Variants in NFIB observed in about 807,000 individuals in gnomAD.
The protein encoded by NFIB is nuclear factor 1 B-type.
A neutral mutation model predicts 61.5 loss-of-function variants in NFIB; 11 were observed. The observed-to-expected ratio is 0.18, with a 90% confidence interval of 0.11 to 0.30. NFIB has a LOEUF of 0.30. Ranked by LOEUF, NFIB falls within the 10% of genes least tolerant of loss-of-function variation. The pLI is 1.00. For synonymous variants in NFIB, 260 were observed against 216.5 expected (o/e 1.20, Z -1.76); for missense variants, 471 against 608.9 (o/e 0.77, Z 2.38).
chr9:14,406,741 C>T, the NFIB span, among the ~76,000 whole-genome samples: 1 of 152,140 alleles, frequency 6.6e-6, no homozygotes, highest in East Asian at 1.9e-4. Flanking sequence ...AAAAAAGGTG[C>T]ACATGGACTG....
chr9:14,420,966 T>C, the NFIB span, among the ~76,000 whole-genome samples: 1 of 152,154 alleles, frequency 6.6e-6, no homozygotes, highest in Non-Finnish European at 1.5e-5. Context: ...TTTTTTTCGT[T>C]TTTAAACTTA....
the NFIB span, among the ~76,000 whole-genome samples, chr9:14,466,923 C>T: frequency 6.6e-6 from 1 of 152,112 alleles, no homozygotes; most frequent in East Asian, 1.9e-4. Context: ...CAAGCCAAGG[C>T]TGGGGTTAGG....
chr9:14,449,019 G>C, the NFIB span, among the ~76,000 whole-genome samples: 2 of 152,070 alleles, frequency 1.3e-5, no homozygotes, highest in African/African-American at 4.8e-5. Context: ...GAAGTTGCTG[G>C]GATGGATGAT....
At chr9:14,305,559 G>T (rs1220332566) in intron 2 of NFIB, among the ~76,000 whole-genome samples, 17 of 152,000 alleles carry the variant, frequency 1.1e-4, no homozygotes, top group Admixed American at 1.0e-3. Flanking sequence ...TAAATGCATG[G>T]AAATATTAAA....
rs922545934 is a variant in NFIB at position 14,083,065 on chromosome 9, T to C, written c.*5244A>G. On this transcript the variant is annotated 3_prime_UTR_variant, in exon 11 of 11. Coordinates refer to ENST00000380953, the MANE Select transcript of NFIB (RefSeq NM_001190737.2). ...TTGAATTGCAACACACAGATATTTC[T>C]AGAGTATTAACTAGTGAACCCTTTT... 123 of 207,010 alleles carry C rather than the reference T, an allele frequency of 5.9e-4. No homozygotes were observed. Among genetic ancestry groups the C allele is most frequent in the South Asian group, 5.8e-4 (3 of 5,216 alleles). The allele number at this position is 207,010 out of a possible 1,614,324, so 12.8% of individuals were successfully genotyped here.
chr9:14,415,646 A>G, the NFIB span, among the ~76,000 whole-genome samples: 1 of 152,258 alleles, frequency 6.6e-6, no homozygotes, highest in Non-Finnish European at 1.5e-5. Flanking sequence ...AATTAGAGAC[A>G]TGAAGCTTAG....
chr9:14,319,040 T>C (rs568115500), upstream of NFIB, among the ~76,000 whole-genome samples: 13 of 152,250 alleles, frequency 8.5e-5, no homozygotes, highest in African/African-American at 3.1e-4. Context: ...CCCACCCCCA[T>C]TGCTAGCCCT....
chr9:14,483,798 G>A, the NFIB span, among the ~76,000 whole-genome samples: 3 of 152,198 alleles, frequency 2.0e-5, no homozygotes, highest in Admixed American at 2.0e-4. Flanking sequence ...ATTCTTTGCT[G>A]AAGAATATTA....
the NFIB span, among the ~76,000 whole-genome samples, chr9:14,438,262 T>A: frequency 6.6e-6 from 1 of 152,124 alleles, no homozygotes; most frequent in Non-Finnish European, 1.5e-5. Flanking sequence ...GAAGCCCAAG[T>A]CAATTGCAGG....
chr9:14,319,601 A>G (rs561190340), intron 1 of NFIB, among the ~76,000 whole-genome samples: 82 of 152,364 alleles, frequency 5.4e-4, no homozygotes, highest in African/African-American at 1.9e-3. Context: ...TTATTTCTAC[A>G]GGTAAACTGG....
rs544259362 is a variant in NFIB, at chr9:14,386,616, AAAT to A, written c.108+11905_108+11907del. 5.5e-3 allele frequency among the ~76,000 whole-genome samples: 834 copies of A among 151,804 alleles called. 2 individuals are homozygous for A. Among genetic ancestry groups the A allele is most frequent in the Non-Finnish European group, 8.0e-3 (543 of 67,872 alleles). On this transcript the variant is annotated intron_variant, in intron 1 of 8. Coordinates refer to the NFIB transcript ENST00000380934. ...ACTCATGAGAGCCTCTTAGGGGACA[AAAT>A]CAATCAGTGTTATTATTTCTGCTTT...
Position 14,141,758 on chromosome 9 carries a change from GGTT to G in NFIB, c.925+4928_925+4930del, listed in dbSNP as rs570220547. 6.7e-4 allele frequency among the ~76,000 whole-genome samples: 101 copies of G among 151,738 alleles called. 1 individual carries two copies. In the South Asian group the frequency reaches 9.6e-3, roughly 14 times the overall value. On this transcript the variant is annotated intron_variant, in intron 6 of 10. Transcript: ENST00000380953. ...AATTTATATTTTATCTAAGATTACA[GGTT>G]GTTTAAATACTCATCTGGCTGAAAA...
intron 10 of NFIB, among the ~76,000 whole-genome samples, chr9:14,107,034 T>C (rs1046828463): frequency 6.6e-6 from 1 of 152,112 alleles, no homozygotes; most frequent in East Asian, 1.9e-4. Flanking sequence ...GTATGTTTTA[T>C]GTTTTCTTGT....
chr9:14,479,917 A>T, the NFIB span, among the ~76,000 whole-genome samples: 1 of 152,134 alleles, frequency 6.6e-6, no homozygotes, highest in East Asian at 1.9e-4. Context: ...GGGTTGCACA[A>T]CCTTGTGAAT....
intron 10 of NFIB, among the ~76,000 whole-genome samples, chr9:14,102,787 C>T (rs496021): frequency 1 from 151,582 of 152,320 alleles, 75,431 homozygotes; most frequent in Middle Eastern, 1. Context: ...ATTATTAGAG[C>T]ACAAATTGAG....
At chr9:14,172,377 CAG>C (rs1214989047) in intron 3 of NFIB, among the ~76,000 whole-genome samples, 1 of 151,900 alleles carries the variant, frequency 6.6e-6, no homozygotes, top group Non-Finnish European at 1.5e-5. Context: ...AAAGGACAGA[CAG>C]AAGTTTCAAT....
At chr9:14,187,005 CTGTGTGTGTGTGTGTGTGTGTATGTG>C (rs1282219535) in intron 2 of NFIB, among the ~76,000 whole-genome samples, 2 of 64,062 alleles carry the variant, frequency 3.1e-5, no homozygotes, top group African/African-American at 8.0e-5. Flanking sequence ...TTCTTCGCTC[CTGTGTGTGTGTGTGTGTGTGTATGTG>C]TGTGTGTGTG....
At chr9:14,476,176 A>AT in the NFIB span, among the ~76,000 whole-genome samples, 74 of 148,226 alleles carry the variant, frequency 5.0e-4, no homozygotes, top group South Asian at 7.2e-3. Context: ...AAGGAAAAAT[A>AT]TTTTTTTTTC....
chr9:14,211,897 T>C (rs968960322), intron 2 of NFIB, among the ~76,000 whole-genome samples: 1 of 152,252 alleles, frequency 6.6e-6, no homozygotes, highest in South Asian at 2.1e-4. Context: ...AGAATAGACA[T>C]TTAAAAGATT....
Sources: allele counts gnomAD v4.1 joint callset (sites outside exome capture counted in the v4.1 genomes callset), GRCh38; gene constraint gnomAD v4.1.1; transcripts MANE v1.5; gene names NCBI Gene and HGNC (gene_info 2026-07-23, HGNC 2026-07-21).